Variants in CFAP58 observed in about 807,000 individuals in gnomAD.
The protein encoded by CFAP58 is cilia- and flagella-associated protein 58.
Under a neutral mutation model 119.5 loss-of-function variants are expected in CFAP58, and 88 were observed. The observed-to-expected ratio is 0.74, with a 90% CI of 0.62 to 0.88. The LOEUF (loss-of-function observed/expected upper bound fraction) is 0.88, where lower values mean the gene tolerates loss of function less well. Ranked by LOEUF, CFAP58 falls within the 40% of genes least tolerant of loss-of-function variation. The pLI, the probability that CFAP58 is intolerant of heterozygous loss-of-function variation, is 0.00. For missense variants in CFAP58, 990 were observed against 1,021.2 expected (o/e 0.97, Z 0.42); for synonymous variants, 365 against 366.3 (o/e 1.00, Z 0.04).
chr10:104,342,658 C>T, the CFAP58 span, among the ~76,000 whole-genome samples: 191 of 132,738 alleles, frequency 1.4e-3, no homozygotes, highest in Middle Eastern at 7.5e-3. Flanking sequence ...GGCGAAGCCC[C>T]GTCTATACAA....
At chr10:104,406,194 G>A (rs2012356292) in intron 14 of CFAP58, among the ~76,000 whole-genome samples, 1 of 152,226 alleles carries the variant, frequency 6.6e-6, no homozygotes, top group South Asian at 2.1e-4. Context: ...TGCCTTTGGA[G>A]CTTGGCATAT....
At chr10:104,384,533 C>A (rs962887741) in intron 9 of CFAP58, among the ~76,000 whole-genome samples, 2 of 152,292 alleles carry the variant, frequency 1.3e-5, no homozygotes, top group South Asian at 4.1e-4. Flanking sequence ...AGAAGCCCCA[C>A]GGTAAAGGTC....
At chr10:104,381,982 C>T (rs1347726863) in intron 9 of CFAP58, 25 of 619,090 alleles carry the variant, frequency 4.0e-5, no homozygotes, top group East Asian at 1.1e-4. Context: ...TGGACTCGCA[C>T]GTTAGCTTCT....
upstream of CFAP58, among the ~76,000 whole-genome samples, chr10:104,350,261 A>G (rs2014444649): frequency 6.6e-6 from 1 of 152,234 alleles, no homozygotes; most frequent in South Asian, 2.1e-4. Flanking sequence ...TGAGATGAAT[A>G]GAAGCACTCA....
chr10:104,397,416 A>G (rs1057118821), intron 11 of CFAP58, among the ~76,000 whole-genome samples: 2 of 152,230 alleles, frequency 1.3e-5, no homozygotes, highest in African/African-American at 4.8e-5. Flanking sequence ...ACCTGGTTGC[A>G]TTCAGTTTGT....
chr10:104,358,450 G>C lies in CFAP58; in HGVS notation c.119G>C (p.Arg40Pro). 6.2e-7 allele frequency: 1 copy of C among 1,613,966 alleles called. No homozygotes were observed. The highest frequency in any genetic ancestry group is 8.5e-7 in the Non-Finnish European group (1 of 1,180,010). The change falls in exon 2 of 18, where the codon CGG becomes CCG. Residue 40 changes from arginine to proline, a missense_variant. Transcript: ENST00000369704. ...LSGDKSLEKFRIEYERLHAVM... is the reference protein window; with the variant it reads ...LSGDKSLEKFPIEYERLHAVM... ...GGAGACAAAAGTTTGGAAAAATTTC[G>C]GATTGAATATGAGAGGCTTCATGCT...
rs11192040 is a variant in CFAP58, at chr10:104,399,368, G to T, written c.1683G>T (p.Leu561=). The change falls in exon 12 of 18, where the codon CTG becomes CTT. Residue 561 remains leucine, a synonymous_variant. Coordinates refer to ENST00000369704, the MANE Select transcript of CFAP58 (RefSeq NM_001008723.2). ...CTTCCACTCTTTGTCAGGCTGAGCT[G>T]CAGAAGCTGAGACAACAAGCCCTGG... ...EKEKETLKAE[L]QKLRQQALET... 0.013 allele frequency: 20,394 copies of T among 1,613,596 alleles called. 853 individuals carry two copies. In the East Asian group the frequency reaches 0.15, roughly 12 times the overall value.
At chr10:104,379,526 A>G (rs1020519317) in intron 8 of CFAP58, among the ~76,000 whole-genome samples, 2 of 152,322 alleles carry the variant, frequency 1.3e-5, no homozygotes, top group African/African-American at 4.8e-5. Context: ...GAGTGAAATT[A>G]TTGGGTCATG....
chr10:104,386,468 C>T (rs951353909), intron 9 of CFAP58, among the ~76,000 whole-genome samples: 80 of 151,742 alleles, frequency 5.3e-4, no homozygotes, highest in African/African-American at 1.9e-3. Context: ...AATAAATAAA[C>T]ACTATTAATA....
upstream of CFAP58, chr10:104,351,576 A>G (rs1327334154): frequency 6.6e-6 from 1 of 152,236 alleles, no homozygotes; most frequent in African/African-American, 2.4e-5. Context: ...TTTGGAAAGA[A>G]TGGATTGTTT....
rs896901882 is a variant in CFAP58 at position 104,362,931 on chromosome 10, A to G, written c.440+760A>G. Among the ~76,000 whole-genome samples, 3 of 152,296 alleles carry G rather than the reference A, an allele frequency of 2.0e-5. No homozygotes were observed. The East Asian group carries it at 5.8e-4, about 29-fold the overall frequency. Reference sequence around the variant, plus strand: ...AGCCTCTCTAGCCTCGTGCGAGCCCATCAAGTTGCTCACACCTCCATGCCT... The same window carrying G: ...AGCCTCTCTAGCCTCGTGCGAGCCCGTCAAGTTGCTCACACCTCCATGCCT... On this transcript the variant is annotated intron_variant, in intron 3 of 17. Transcript: ENST00000369704.
rs140943458 is a variant in CFAP58, at chr10:104,358,536, G to A, written c.205G>A (p.Ala69Thr). 1.2e-6 allele frequency: 2 copies of A among 1,614,138 alleles called. No individual in the cohort carries two copies. Among genetic ancestry groups the A allele is most frequent in the South Asian group, 2.2e-5 (2 of 91,086 alleles). Residue 69 changes from alanine to threonine, a missense_variant, in exon 2 of 18, where the codon GCA becomes ACA. Transcript: ENST00000369704. Reference sequence around the variant, plus strand: ...GATGGCCAAATGCAGAGAGCTAAATGCAGAGATTGTAGTGAATTCTGCGAA... The same window carrying A: ...GATGGCCAAATGCAGAGAGCTAAATACAGAGATTGTAGTGAATTCTGCGAA... Reference protein sequence around the residue: ...RLMAKCRELNAEIVVNSAKVA... With the variant: ...RLMAKCRELNTEIVVNSAKVA...
chr10:104,381,493 T>C (rs2011802788), intron 9 of CFAP58, among the ~76,000 whole-genome samples: 1 of 152,188 alleles, frequency 6.6e-6, no homozygotes, highest in Non-Finnish European at 1.5e-5. Context: ...AAAAGACTCA[T>C]TTAATCACCT....
In CFAP58 at chr10:104,454,474, G is replaced by A. The variant is rs2133106333; in HGVS notation, c.2563G>A (p.Gly855Ser). ...DNTFLMVKPN[G>S]PGFTGGGFPL... ...CACCTTCTTAATGGTCAAACCAAAT[G>A]GTCCTGGTTTTACTGGGGGCGGATT... The change falls in exon 18 of 18, where the codon GGT (glycine) becomes AGT (serine). Residue 855 changes from glycine to serine, a missense_variant. Transcript: ENST00000369704. The A allele has an allele frequency of 2.5e-6, 4 of 1,613,920 alleles. No individual in the cohort carries two copies. The highest frequency in any genetic ancestry group is 2.2e-5 in the East Asian group (1 of 44,870).
upstream of CFAP58, among the ~76,000 whole-genome samples, chr10:104,352,279 C>T (rs151070684): frequency 1.3e-5 from 2 of 152,226 alleles, no homozygotes; most frequent in African/African-American, 2.4e-5. Context: ...TGGAGTGCAG[C>T]GTAGGGCAGT....
intron 15 of CFAP58, among the ~76,000 whole-genome samples, chr10:104,438,326 G>GTTTTTTTTTTTTTTTT (rs201531910): frequency 8.0e-6 from 1 of 125,332 alleles, no homozygotes; most frequent in African/African-American, 3.2e-5. Flanking sequence ...AATTTTTATT[G>GTTTTTTTTTTTTTTTT]TTTTTTTGTT....
rs144481663 is a variant in CFAP58, at chr10:104,400,854, C to T, written c.1990C>T (p.Arg664Trp). ...CAGACTTGAGATCAAGAAGCTTCGC[C>T]GGGAAAAGGGGATTCTTGCCAGGAG... ...ILRLEIKKLR[R>W]EKGILARSMA... The change falls in exon 13 of 18, where the codon CGG (arginine) becomes TGG (tryptophan). Residue 664 changes from arginine to tryptophan, a missense_variant. Coordinates refer to ENST00000369704, the MANE Select transcript of CFAP58 (RefSeq NM_001008723.2). The T allele has an allele frequency of 1.2e-5, 20 of 1,613,924 alleles. No homozygotes were observed. The highest frequency in any genetic ancestry group is 5.3e-5 in the African/African-American group (4 of 74,876).
intron 11 of CFAP58, among the ~76,000 whole-genome samples, chr10:104,397,679 G>A (rs1442094558): frequency 6.6e-6 from 1 of 152,180 alleles, no homozygotes; most frequent in Non-Finnish European, 1.5e-5. Flanking sequence ...GCAAGCCACT[G>A]ACAAGTTGAA....
intron 9 of CFAP58, among the ~76,000 whole-genome samples, chr10:104,391,606 A>G (rs772529321): frequency 2.0e-5 from 3 of 152,168 alleles, no homozygotes; most frequent in African/African-American, 7.2e-5. Context: ...GTATTGACTC[A>G]TGGTGGAATT....
Sources: gnomAD v4.1 joint callset for allele counts (sites outside exome capture counted in the v4.1 genomes callset) on GRCh38, gnomAD v4.1.1 for gene constraint, MANE v1.5 for transcripts, NCBI Gene and HGNC (gene_info 2026-07-23, HGNC 2026-07-21) for gene names.